The following APP variants were observed in gnomAD, a reference collection of about 807,000 sequenced individuals.
APP encodes the protein amyloid-beta precursor protein.
A neutral mutation model predicts 101.4 loss-of-function variants in APP; 31 were observed. The observed-to-expected ratio is 0.31, with a 90% CI of 0.23 to 0.41. The LOEUF (loss-of-function observed/expected upper bound fraction) is 0.41. APP is among the 10% of genes least tolerant of loss of function. The probability of loss-of-function intolerance (pLI) is 1.00; values close to 1 mark genes in which losing one functional copy is unlikely to be tolerated. For synonymous variants in APP, 366 were observed against 364.4 expected (o/e 1.00, Z -0.05); for missense variants, 839 against 1,003.7 (o/e 0.84, Z 2.22).
chr21:26,076,145 C>T (rs1332144004), intron 3 of APP, among the ~76,000 whole-genome samples: 5 of 152,130 alleles, frequency 3.3e-5, no homozygotes, highest in East Asian at 1.9e-4. Context: ...CTGCCCACCT[C>T]GGCCTCCCAA....
At chr21:25,981,069 T>C (rs1051575248) in intron 9 of APP, among the ~76,000 whole-genome samples, 1 of 151,750 alleles carries the variant, frequency 6.6e-6, no homozygotes, top group Non-Finnish European at 1.5e-5. Flanking sequence ...TGGCCCAGAG[T>C]ATAAGAAGGT....
At chr21:25,908,022 C>A (rs1415870943) in intron 14 of APP, among the ~76,000 whole-genome samples, 1 of 152,186 alleles carries the variant, frequency 6.6e-6, no homozygotes, top group Non-Finnish European at 1.5e-5. Flanking sequence ...GTATTATCTA[C>A]AAAGAGGCAG....
At chr21:25,971,998 A>T (rs946914567) in intron 11 of APP, among the ~76,000 whole-genome samples, 1 of 152,274 alleles carries the variant, frequency 6.6e-6, no homozygotes. Context: ...TTAATAAAAA[A>T]TTATGAGGCA....
At chr21:25,972,950 G>C (rs1044036240) in intron 11 of APP, among the ~76,000 whole-genome samples, 3 of 152,136 alleles carry the variant, frequency 2.0e-5, no homozygotes, top group Admixed American at 6.6e-5. Flanking sequence ...GTAAAGTACT[G>C]TCTGTGGAGT....
intron 11 of APP, among the ~76,000 whole-genome samples, chr21:25,972,200 TACA>T (rs1601075526): frequency 6.6e-6 from 1 of 151,954 alleles, no homozygotes; most frequent in East Asian, 1.9e-4. Flanking sequence ...AATTTCTATA[TACA>T]ACAACTACAG....
chr21:26,120,636 T>C (rs188524477), intron 1 of APP, among the ~76,000 whole-genome samples: 44 of 152,328 alleles, frequency 2.9e-4, no homozygotes, highest in Admixed American at 2.5e-3. Context: ...TTAGATCTGA[T>C]TGATTTTGTG....
chr21:26,159,326 G>A (rs929389168), intron 1 of APP, among the ~76,000 whole-genome samples: 23 of 152,212 alleles, frequency 1.5e-4, no homozygotes, highest in African/African-American at 5.1e-4. Flanking sequence ...TGATCCACCC[G>A]CCTTGGCCTC....
chr21:26,163,239 CAAAAAAAAAAAAA>C (rs58816061), intron 1 of APP, among the ~76,000 whole-genome samples: 10 of 58,834 alleles, frequency 1.7e-4, no homozygotes, highest in African/African-American at 5.6e-4. Flanking sequence ...AACTCAGTCT[CAAAAAAAAAAAAA>C]AAAAAAAAAA....
At chr21:26,141,318 G>A (rs553997998) in intron 1 of APP, among the ~76,000 whole-genome samples, 84 of 152,274 alleles carry the variant, frequency 5.5e-4, no homozygotes, top group African/African-American at 2.0e-3. Flanking sequence ...CCCTGATGAT[G>A]TATTTTACAG....
intron 9 of APP, among the ~76,000 whole-genome samples, chr21:25,977,054 C>T (rs1366624023): frequency 6.6e-6 from 1 of 152,140 alleles, no homozygotes; most frequent in Non-Finnish European, 1.5e-5. Context: ...ACAGATTATC[C>T]AGGCTGGGGT....
At chr21:26,018,418 T>C (rs2044195737) in intron 6 of APP, among the ~76,000 whole-genome samples, 1 of 152,192 alleles carries the variant, frequency 6.6e-6, no homozygotes, top group African/African-American at 2.4e-5. Flanking sequence ...ACAAAATGAG[T>C]AATCACCTAT....
chr21:25,891,965 G>T, intron 16 of APP, 97 bp from the exon 17 acceptor site: 1 of 1,289,514 alleles, frequency 7.8e-7, no homozygotes, highest in Non-Finnish European at 1.1e-6. Context: ...CTTAAATGCA[G>T]GGGACATTTG....
chr21:26,136,201 GAAAAGA>G (rs1162260519), intron 1 of APP, among the ~76,000 whole-genome samples: 5 of 112,732 alleles, frequency 4.4e-5, no homozygotes, highest in African/African-American at 1.3e-4. Flanking sequence ...AAGAAAGAAA[GAAAAGA>G]AAAGAAAGAA....
intron 13 of APP, among the ~76,000 whole-genome samples, chr21:25,922,974 A>G (rs1369195315): frequency 6.8e-6 from 1 of 147,262 alleles, no homozygotes; most frequent in Non-Finnish European, 1.5e-5. Flanking sequence ...ACCTGACTTC[A>G]AACTATACTA....
At chr21:25,945,928 C>T in intron 13 of APP, 2 of 455,574 alleles carry the variant, frequency 4.4e-6, no homozygotes, top group South Asian at 3.1e-5. Context: ...GTCATCTGCC[C>T]ACCTTGGCCT....
chr21:25,914,775 C>A (rs531126992), intron 13 of APP, among the ~76,000 whole-genome samples: 8 of 152,084 alleles, frequency 5.3e-5, no homozygotes, highest in Non-Finnish European at 1.2e-4. Context: ...GGATGGTCTC[C>A]ATCTCCTGAC....
Position 26,099,320 on chromosome 21 carries a change from T to C in APP, c.226-9248A>G, listed in dbSNP as rs186215221. Among the ~76,000 whole-genome samples, 437 of 152,306 alleles carry C rather than the reference T, an allele frequency of 2.9e-3. 2 individuals carry two copies. Among genetic ancestry groups the C allele is most frequent in the African/African-American group, 9.9e-3 (412 of 41,554 alleles). On this transcript the variant is annotated intron_variant, in intron 2 of 17. Coordinates refer to ENST00000346798, the MANE Select transcript of APP (RefSeq NM_000484.4). Reference sequence around the variant, plus strand: ...TTTTCATCGTCTCAAAGCTTTTCCATACCAGTCCCTTTTTCAAAGAACATA... The same window carrying C: ...TTTTCATCGTCTCAAAGCTTTTCCACACCAGTCCCTTTTTCAAAGAACATA...
intron 11 of APP, among the ~76,000 whole-genome samples, chr21:25,969,874 G>GAGAAA (rs1555831764): frequency 6.1e-5 from 1 of 16,504 alleles, no homozygotes; most frequent in Non-Finnish European, 1.4e-4. Context: ...GAAAAGAAAA[G>GAGAAA]AGAAAAGAAA....
At chr21:26,004,968 C>G (rs535080712) in intron 6 of APP, among the ~76,000 whole-genome samples, 3 of 152,284 alleles carry the variant, frequency 2.0e-5, no homozygotes, top group Admixed American at 6.5e-5. Context: ...CATGTCCCTA[C>G]AAAGGACGTG....
Sources: gnomAD v4.1 joint callset for allele counts (sites outside exome capture counted in the v4.1 genomes callset) on GRCh38, gnomAD v4.1.1 for gene constraint, MANE v1.5 for transcripts, NCBI Gene and HGNC (gene_info 2026-07-23, HGNC 2026-07-21) for gene names.